SYT9: variants seen among roughly 807,000 people sequenced by gnomAD.
The protein encoded by SYT9 is synaptotagmin 9.
SYT9 carries 22 observed loss-of-function variants against 48.4 expected under a neutral mutation model. The ratio of observed to expected loss-of-function variants is 0.45; its 90% CI spans 0.32 to 0.65. The LOEUF (loss-of-function observed/expected upper bound fraction) is 0.65. Among genes scored for constraint, SYT9 ranks in the 30% least tolerant of loss-of-function variants. SYT9 has a pLI of 0.03. For synonymous variants in SYT9, 265 were observed against 245.0 expected, an observed-to-expected ratio of 1.08 and a Z score of -0.76; for missense variants, 577 against 622.0, an observed-to-expected ratio of 0.93 and a Z score of 0.77.
At chr11:7,371,323 T>G (rs1262585803) in intron 3 of SYT9, among the ~76,000 whole-genome samples, 1 of 151,904 alleles carries the variant, frequency 6.6e-6, no homozygotes. Flanking sequence ...AATGTTTCCT[T>G]CCAGGAGCAT....
At chr11:7,390,541 A>G (rs1411421258) in intron 3 of SYT9, among the ~76,000 whole-genome samples, 2 of 152,210 alleles carry the variant, frequency 1.3e-5, no homozygotes, top group Non-Finnish European at 2.9e-5. Flanking sequence ...TGTGAAACAT[A>G]ATGGAATAGT....
chr11:7,285,412 G>A (rs185206075), intron 1 of SYT9, among the ~76,000 whole-genome samples: 42 of 152,252 alleles, frequency 2.8e-4, no homozygotes, highest in African/African-American at 8.2e-4. Context: ...ACTATCATGA[G>A]AACAGCATGG....
chr11:7,315,591 C>T (rs994057401), intron 3 of SYT9, among the ~76,000 whole-genome samples: 2 of 152,184 alleles, frequency 1.3e-5, no homozygotes, highest in African/African-American at 4.8e-5. Flanking sequence ...GAAAGTTCAA[C>T]GAGGATCTTG....
chr11:7,442,294 C>T (rs1024412845), intron 6 of SYT9, among the ~76,000 whole-genome samples: 3 of 152,188 alleles, frequency 2.0e-5, no homozygotes, highest in African/African-American at 4.8e-5. Flanking sequence ...CTGGAGAACA[C>T]GTCTCCACAC....
intron 1 of SYT9, among the ~76,000 whole-genome samples, chr11:7,284,909 G>A (rs1192704632): frequency 6.6e-6 from 1 of 152,074 alleles, no homozygotes; most frequent in Non-Finnish European, 1.5e-5. Context: ...TTTAGTATGG[G>A]TGAACCTTTT....
At chr11:7,291,098 T>C (rs1275068165) in intron 1 of SYT9, among the ~76,000 whole-genome samples, 1 of 152,182 alleles carries the variant, frequency 6.6e-6, no homozygotes, top group Non-Finnish European at 1.5e-5. Context: ...GAGGAATAAA[T>C]GCTATAACTT....
In SYT9 at chr11:7,293,047, C is replaced by T. The variant is rs187500092; in HGVS notation, c.146-9992C>T. On this transcript the variant is annotated intron_variant, in intron 1 of 6. Coordinates refer to ENST00000318881, the MANE Select transcript of SYT9 (RefSeq NM_175733.4). ...GTGTCTAGCTTCAGCACCCCTGCCC[C>T]ATCCGGGCAATGCAGGGGTGGTGAT... 7.8e-3 allele frequency among the ~76,000 whole-genome samples: 1,189 copies of T among 152,268 alleles called. 6 individuals carry two copies. Among genetic ancestry groups the T allele is most frequent in the Non-Finnish European group, 9.8e-3 (667 of 68,012 alleles).
At chr11:7,273,443 G>A (rs1848332111) in intron 1 of SYT9, among the ~76,000 whole-genome samples, 1 of 152,090 alleles carries the variant, frequency 6.6e-6, no homozygotes, top group Non-Finnish European at 1.5e-5. Flanking sequence ...ATGTAGCCAA[G>A]AGAGCAAAGT....
chr11:7,429,405 G>A (rs969415798), intron 6 of SYT9, among the ~76,000 whole-genome samples: 1 of 152,150 alleles, frequency 6.6e-6, no homozygotes, highest in African/African-American at 2.4e-5. Context: ...GATCTCTATA[G>A]AAGATCCAGG....
chr11:7,324,833 C>A lies in SYT9; in HGVS notation c.1044+10892C>A, dbSNP rs185281872. ...TCAGTTTTTATAAATGTGCTAGGTG[C>A]TCTTGAAAAGATTATGTCTCACTCA... is the stretch of plus-strand genomic sequence containing the variant. On this transcript the variant is annotated intron_variant, in intron 3 of 6. Coordinates refer to ENST00000318881, the MANE Select transcript of SYT9 (RefSeq NM_175733.4). 7.0e-4 allele frequency among the ~76,000 whole-genome samples: 106 copies of A among 151,982 alleles called. 2 individuals carry two copies. The East Asian group carries it at 0.019, about 28-fold the overall frequency.
intron 1 of SYT9, among the ~76,000 whole-genome samples, chr11:7,294,355 AC>A (rs1848752001): frequency 6.6e-6 from 1 of 152,192 alleles, no homozygotes; most frequent in African/African-American, 2.4e-5. Flanking sequence ...CAAAAGTTTT[AC>A]CTCATTCCAG....
intron 6 of SYT9, among the ~76,000 whole-genome samples, chr11:7,432,534 T>A: frequency 1.2e-5 from 1 of 82,730 alleles, no homozygotes; most frequent in Non-Finnish European, 2.3e-5. Flanking sequence ...GCAACAAGAG[T>A]GAGACTCCAT....
chr11:7,381,063 A>T (rs985222036), intron 3 of SYT9, among the ~76,000 whole-genome samples: 1 of 152,268 alleles, frequency 6.6e-6, no homozygotes, highest in African/African-American at 2.4e-5. Flanking sequence ...TAGGTTGTTG[A>T]ATCATTCGTG....
upstream of SYT9, among the ~76,000 whole-genome samples, chr11:7,247,214 C>T (rs557112907): frequency 5.3e-4 from 81 of 152,184 alleles, no homozygotes; most frequent in Non-Finnish European, 9.9e-4. Context: ...AAGCACTATA[C>T]GCTGCACCCT....
At chr11:7,240,023 C>T (rs182952716) in intron 1 of SYT9, among the ~76,000 whole-genome samples, 2 of 152,236 alleles carry the variant, frequency 1.3e-5, no homozygotes, top group East Asian at 3.9e-4. Context: ...GAGTGAAATC[C>T]TTACGGACAA....
chr11:7,416,254 C>G, intron 4 of SYT9, 92 bp downstream of exon 4: 1 of 1,492,208 alleles, frequency 6.7e-7, no homozygotes, highest in Non-Finnish European at 9.2e-7. Context: ...CACATTGACT[C>G]TGGAACCAGA....
chr11:7,345,960 G>T (rs1849792387), intron 3 of SYT9, among the ~76,000 whole-genome samples: 1 of 152,200 alleles, frequency 6.6e-6, no homozygotes, highest in Non-Finnish European at 1.5e-5. Context: ...GAAGTCACTA[G>T]AAGAATGTTT....
chr11:7,288,841 C>G (rs930964970), intron 1 of SYT9, among the ~76,000 whole-genome samples: 8 of 152,218 alleles, frequency 5.3e-5, no homozygotes, highest in African/African-American at 1.9e-4. Context: ...GAACCCTGCT[C>G]TCTCTATGGC....
At chr11:7,415,510 T>C (rs1847225549) in intron 3 of SYT9, among the ~76,000 whole-genome samples, 1 of 151,726 alleles carries the variant, frequency 6.6e-6, no homozygotes, top group African/African-American at 2.4e-5. Context: ...CGGGAGTGTG[T>C]GGGGTGGTGT....
Sources: allele counts gnomAD v4.1 joint callset (sites outside exome capture counted in the v4.1 genomes callset), GRCh38; gene constraint gnomAD v4.1.1; transcripts MANE v1.5; gene names NCBI Gene and HGNC (gene_info 2026-07-23, HGNC 2026-07-21).